Variants in NF1 observed in about 807,000 individuals in gnomAD.
The protein encoded by NF1 is neurofibromin.
Under a neutral mutation model 325.7 loss-of-function variants are expected in NF1, and 122 were observed. The observed-to-expected ratio is 0.37, with a 90% CI of 0.32 to 0.44. NF1 has a LOEUF of 0.44. NF1 is among the 20% of genes least tolerant of loss of function. NF1 has a pLI of 1.00. For synonymous variants in NF1, 1,091 were observed against 1,186.0 expected (o/e 0.92, Z 1.65); for missense variants, 2,140 against 3,415.4 (o/e 0.63, Z 9.31).
chr17:31,134,937 G>A (rs1206937677), intron 1 of NF1, among the ~76,000 whole-genome samples: 2 of 152,232 alleles, frequency 1.3e-5, no homozygotes, highest in East Asian at 1.9e-4. Context: ...GATGACACAC[G>A]GGTGTGGATA....
chr17:31,264,336 G>A (rs1486612996), intron 35 of NF1, among the ~76,000 whole-genome samples: 5 of 151,860 alleles, frequency 3.3e-5, no homozygotes, highest in Admixed American at 3.3e-4. Flanking sequence ...ATTTGAACCC[G>A]GGAGGCAGAG....
At chr17:31,265,577 T>C (rs1256494878) in intron 36 of NF1, among the ~76,000 whole-genome samples, 2 of 151,894 alleles carry the variant, frequency 1.3e-5, no homozygotes, top group Non-Finnish European at 2.9e-5. Flanking sequence ...TTTTTTAAAA[T>C]ACTGCCTGCA....
intron 49 of NF1, among the ~76,000 whole-genome samples, chr17:31,349,801 GTACAA>G (rs2070094343): frequency 6.6e-6 from 1 of 152,054 alleles, no homozygotes; most frequent in Non-Finnish European, 1.5e-5. Flanking sequence ...TAGCACTTAT[GTACAA>G]TACAATTCTT....
chr17:31,353,003 G>GGCTCAAGCAATCTC (rs1428878744), intron 51 of NF1, among the ~76,000 whole-genome samples: 1 of 152,004 alleles, frequency 6.6e-6, no homozygotes, highest in Non-Finnish European at 1.5e-5. Context: ...CTGCCTCCCG[G>GGCTCAAGCAATCTC]GCTCAAGCAA....
At chr17:31,185,236 G>C (rs2066217516) in intron 8 of NF1, among the ~76,000 whole-genome samples, 1 of 152,136 alleles carries the variant, frequency 6.6e-6, no homozygotes, top group Non-Finnish European at 1.5e-5. Context: ...TAAAGTCCTA[G>C]CAGGTCCCTA....
intron 57 of NF1, chr17:31,361,349 A>G (rs2151589320): frequency 6.5e-6 from 1 of 152,768 alleles, no homozygotes; most frequent in South Asian, 2.1e-4. Context: ...GACTGAGATA[A>G]ACAAGGTGGG....
intron 57 of NF1, chr17:31,362,433 C>T (rs2070421269): frequency 3.9e-6 from 3 of 766,100 alleles, no homozygotes; most frequent in Non-Finnish European, 4.8e-6. Context: ...GCTGGGTTAA[C>T]TGCTTTATAC....
chr17:31,266,284 ATAG>A (rs1326049294), intron 36 of NF1, among the ~76,000 whole-genome samples: 2 of 152,232 alleles, frequency 1.3e-5, no homozygotes, highest in Non-Finnish European at 2.9e-5. Context: ...AGGTTGAGAA[ATAG>A]TAGAGAGACG....
chr17:31,222,072 A>G (rs2066934019), intron 15 of NF1, 143 bp downstream of exon 15: 5 of 1,288,044 alleles, frequency 3.9e-6, no homozygotes, highest in East Asian at 2.9e-5. Flanking sequence ...TTTGACTTCA[A>G]ATTATTAGAA....
intron 7 of NF1, among the ~76,000 whole-genome samples, chr17:31,182,239 A>G: frequency 6.6e-6 from 1 of 152,200 alleles, no homozygotes; most frequent in East Asian, 1.9e-4. Context: ...CACTTTGCAT[A>G]AGGCCCTTCA....
rs1265683380 is a variant in NF1, at chr17:31,376,706, A to G, written c.*2551A>G. The G allele has an allele frequency of 3.0e-5, 7 of 233,076 alleles. No homozygotes were observed. Among genetic ancestry groups the G allele is most frequent in the Non-Finnish European group, 5.9e-5 (7 of 117,960 alleles). The allele number at this position is 233,076 out of a possible 1,614,324, so 14.4% of individuals were successfully genotyped here. On this transcript the variant is annotated 3_prime_UTR_variant, in exon 58 of 58. Transcript: ENST00000358273. ...GTAATTGACATAAGTTCTGTTAAAA[A>G]TATTATAAGTAATTCGTTTCGGTTT...
chr17:31,321,115 G>A (rs1261039471), intron 36 of NF1: 1 of 152,154 alleles, frequency 6.6e-6, no homozygotes, highest in Non-Finnish European at 1.5e-5. Flanking sequence ...TTGGAGGCCA[G>A]GTTGTGTTAT....
chr17:31,193,929 G>A (rs1244456979), intron 8 of NF1, among the ~76,000 whole-genome samples: 7 of 152,188 alleles, frequency 4.6e-5, no homozygotes, highest in Admixed American at 1.3e-4. Context: ...ACTCTTAAAT[G>A]TGGCTAGTGG....
intron 36 of NF1, among the ~76,000 whole-genome samples, chr17:31,268,533 AG>A (rs2067831040): frequency 6.6e-6 from 1 of 150,564 alleles, no homozygotes; most frequent in South Asian, 2.2e-4. Context: ...AGGCTGAGGC[AG>A]GGGAATTGCT....
In NF1 at chr17:31,208,443, C is replaced by G. The variant is rs372550450; in HGVS notation, c.1392+2072C>G. Among the ~76,000 whole-genome samples the G allele has an allele frequency of 4.6e-5, 7 of 152,062 alleles. No homozygotes were observed. The East Asian group carries it at 1.4e-3, about 29-fold the overall frequency. ...ACCCTTCATAAACTTGGTGAGTTAACAGTCAGATAACCAGTATGGAAGTAT... is the reference window on the plus strand; with the variant it reads ...ACCCTTCATAAACTTGGTGAGTTAAGAGTCAGATAACCAGTATGGAAGTAT... On this transcript the variant is annotated intron_variant, in intron 12 of 57. Transcript: ENST00000358273.
At chr17:31,356,644 T>C in intron 52 of NF1, 62 bp downstream of exon 52, 1 of 1,601,944 alleles carries the variant, frequency 6.2e-7, no homozygotes, top group Non-Finnish European at 8.5e-7. Flanking sequence ...ATGAAAGTCA[T>C]GTTTATTTTC....
chr17:31,291,175 T>C (rs76009776), intron 36 of NF1, among the ~76,000 whole-genome samples: 5 of 152,190 alleles, frequency 3.3e-5, no homozygotes, highest in African/African-American at 9.7e-5. Context: ...TGGAAATAAT[T>C]GCAACGTAAT....
chr17:31,370,301 G>A (rs1293241604), intron 57 of NF1, among the ~76,000 whole-genome samples: 1 of 152,104 alleles, frequency 6.6e-6, no homozygotes, highest in African/African-American at 2.4e-5. Flanking sequence ...TTTAATTAAT[G>A]TGCTCATTAG....
chr17:31,310,098 T>A (rs1440768005), intron 36 of NF1, among the ~76,000 whole-genome samples: 1 of 152,088 alleles, frequency 6.6e-6, no homozygotes, highest in Admixed American at 6.5e-5. Context: ...TTACTACCAG[T>A]GTGGAAGGTT....
Sources: gnomAD v4.1 joint callset for allele counts (sites outside exome capture counted in the v4.1 genomes callset) on GRCh38, gnomAD v4.1.1 for gene constraint, MANE v1.5 for transcripts, NCBI Gene and HGNC (gene_info 2026-07-23, HGNC 2026-07-21) for gene names.